KCNQ1: variants seen among roughly 807,000 people sequenced by gnomAD.
KCNQ1 encodes potassium voltage-gated channel subfamily KQT member 1.
A neutral mutation model predicts 72.4 loss-of-function variants in KCNQ1; 49 were observed. The observed-to-expected ratio is 0.68, with a 90% CI of 0.54 to 0.86. KCNQ1 has a LOEUF of 0.86. Ranked by LOEUF, KCNQ1 falls within the 40% of genes least tolerant of loss-of-function variation. The pLI, the probability that KCNQ1 is intolerant of heterozygous loss-of-function variation, is 0.00. For synonymous variants in KCNQ1, 450 were observed against 412.6 expected (o/e 1.09, Z -1.10); for missense variants, 790 against 945.1 (o/e 0.84, Z 2.15).
At chr11:2,639,754 T>C (rs1489696775) in intron 10 of KCNQ1, 2 of 152,364 alleles carry the variant, frequency 1.3e-5, no homozygotes, top group African/African-American at 4.8e-5. Context: ...GACAGGGACA[T>C]TTAAGTCTGC....
intron 1 of KCNQ1, among the ~76,000 whole-genome samples, chr11:2,512,275 AG>A (rs1656464205): frequency 6.6e-6 from 1 of 152,106 alleles, no homozygotes; most frequent in Non-Finnish European, 1.5e-5. Context: ...CCGGGGCGGG[AG>A]AGGGCCGCAG....
At chr11:2,758,535 C>G (rs545766442) in intron 11 of KCNQ1, among the ~76,000 whole-genome samples, 1 of 152,130 alleles carries the variant, frequency 6.6e-6, no homozygotes. Flanking sequence ...CCACACATCC[C>G]GGCAACTGAA....
intron 1 of KCNQ1, among the ~76,000 whole-genome samples, chr11:2,466,256 C>A (rs541514405): frequency 6.6e-6 from 1 of 152,282 alleles, no homozygotes; most frequent in South Asian, 2.1e-4. Context: ...AGTGGAGAAG[C>A]GATCTCCAAA....
At chr11:2,722,616 A>T (rs1446302355) in intron 11 of KCNQ1, among the ~76,000 whole-genome samples, 1 of 152,044 alleles carries the variant, frequency 6.6e-6, no homozygotes, top group Non-Finnish European at 1.5e-5. Flanking sequence ...GTCCTAGGGG[A>T]GCTGATGAGA....
chr11:2,712,649 C>G lies in KCNQ1; in HGVS notation c.1514+50568C>G, dbSNP rs994936582. The stretch of plus-strand genomic sequence containing the variant: ...TTCCCCTTGGAACATGAAGAAGGGG[C>G]TGGCTAAGGCCCCCATCCCTGCTCA... On this transcript the variant is annotated intron_variant, in intron 11 of 15. Transcript: ENST00000155840. The surrounding 1 kb of genome is among the most constrained non-coding windows in gnomAD (Gnocchi z 6.4). Among the ~76,000 whole-genome samples, 1 of 152,208 alleles carries G rather than the reference C, an allele frequency of 6.6e-6. No individual in the cohort carries two copies. Among genetic ancestry groups the G allele is most frequent in the Non-Finnish European group, 1.5e-5 (1 of 68,026 alleles).
At position 2,592,394 on chromosome 11, in the gene KCNQ1, T is replaced by G. The variant is rs1848682021; in HGVS notation, c.1393+3540T>G. Among the ~76,000 whole-genome samples the G allele has an allele frequency of 6.6e-6, 1 of 152,100 alleles. No individual in the cohort carries two copies. ...GGTAGCATCAGAACACAGACTAACC[T>G]GCAGCAAAAATGGGCTGTGTGGTCC... On this transcript the variant is annotated intron_variant, in intron 10 of 15. Transcript: ENST00000155840. The surrounding 1 kb of genome is among the most constrained non-coding windows in gnomAD (Gnocchi z 5.2).
intron 6 of KCNQ1, among the ~76,000 whole-genome samples, chr11:2,576,298 C>CG (rs1848421961): frequency 6.6e-6 from 1 of 152,156 alleles, no homozygotes; most frequent in African/African-American, 2.4e-5. Flanking sequence ...TCCCCTTCGC[C>CG]GGGGTGGGGA....
intron 11 of KCNQ1, among the ~76,000 whole-genome samples, chr11:2,727,394 C>T (rs1044712309): frequency 6.6e-6 from 1 of 152,214 alleles, no homozygotes; most frequent in Non-Finnish European, 1.5e-5. Context: ...ACCCAAGGAT[C>T]ATTCCTGTGT....
In KCNQ1 at chr11:2,483,209, C is replaced by T. The variant is rs764275920; in HGVS notation, c.386+37725C>T. Among the ~76,000 whole-genome samples, 2 of 152,014 alleles carry T rather than the reference C, an allele frequency of 1.3e-5. No individual in the cohort carries two copies. Among genetic ancestry groups the T allele is most frequent in the African/African-American group, 4.8e-5 (2 of 41,374 alleles). ...TGCAGGGAAGGTGCTGGAGATAGGA[C>T]GGGAGGGCCACGAGGGTTAAGATCC... On this transcript the variant is annotated intron_variant, in intron 1 of 15. Coordinates refer to ENST00000155840, the MANE Select transcript of KCNQ1 (RefSeq NM_000218.3). This position sits in a 1 kb window ranked among gnomAD's most constrained non-coding sequence, Gnocchi z 6.1.
chr11:2,630,735 A>T (rs1433094726), intron 10 of KCNQ1: 2 of 398,458 alleles, frequency 5.0e-6, no homozygotes, highest in Admixed American at 8.8e-5. Flanking sequence ...AAGCCTGAAT[A>T]ACTCCCTCTG....
intron 4 of KCNQ1, 69 bp downstream of exon 4, chr11:2,571,472 G>A (rs986727770): frequency 3.0e-6 from 4 of 1,318,956 alleles, no homozygotes; most frequent in African/African-American, 2.9e-5. Context: ...AGCCGCGGGT[G>A]GTCTCACGCC....
chr11:2,667,042 C>G (rs965092557), intron 11 of KCNQ1: 1 of 398,574 alleles, frequency 2.5e-6, no homozygotes, highest in African/African-American at 2.1e-5. Context: ...TAGCCCCAGC[C>G]AGGCTCAAAC....
chr11:2,521,344 C>T (rs1284003478), intron 1 of KCNQ1: 2 of 352,636 alleles, frequency 5.7e-6, no homozygotes, highest in Non-Finnish European at 1.2e-5. Context: ...CTGCTCTGGG[C>T]CTTTGCGCTT....
Position 2,562,899 on chromosome 11 carries a change from T to C in KCNQ1, c.478-7729T>C, listed in dbSNP as rs188336508. On this transcript the variant is annotated intron_variant, in intron 2 of 15. Transcript: ENST00000155840. This position sits in a 1 kb window ranked among gnomAD's most constrained non-coding sequence, Gnocchi z 7.5. Reference sequence around the variant, plus strand: ...AATTAATTTTCCTTTAAAGATACTGTAGAGCAGTAACATCAGAGACACCAA... The same window carrying C: ...AATTAATTTTCCTTTAAAGATACTGCAGAGCAGTAACATCAGAGACACCAA... Among the ~76,000 whole-genome samples, 874 of 152,218 alleles carry C rather than the reference T, an allele frequency of 5.7e-3. 30 individuals are homozygous for C. The highest frequency in any genetic ancestry group is 0.053 in the Admixed American group (807 of 15,290).
At chr11:2,531,293 G>A (rs1326564707) in intron 2 of KCNQ1, among the ~76,000 whole-genome samples, 1 of 151,172 alleles carries the variant, frequency 6.6e-6, no homozygotes, top group Non-Finnish European at 1.5e-5. Context: ...TCTGCAGCTC[G>A]AGAATTAGAC....
At position 2,671,738 on chromosome 11, in the gene KCNQ1, C is replaced by T. The variant is rs1287879999; in HGVS notation, c.1514+9657C>T. The T allele has an allele frequency of 2.5e-6, 1 of 398,550 alleles. No homozygotes were observed. Among genetic ancestry groups the T allele is most frequent in the Non-Finnish European group, 4.4e-6 (1 of 226,106 alleles). The allele number at this position is 398,550 out of a possible 1,614,324, so 24.7% of individuals were successfully genotyped here. A position where few individuals can be genotyped will look rare whatever the true frequency, so the allele number is the denominator to read the frequency against. ...GTGGTAGGCAAGGCTTTTCAGAGAA[C>T]AAGGAGCTACATACACATACATGCA... On this transcript the variant is annotated intron_variant, in intron 11 of 15. Transcript: ENST00000155840. The surrounding 1 kb of genome is among the most constrained non-coding windows in gnomAD (Gnocchi z 4.7).
At position 2,657,401 on chromosome 11, in the gene KCNQ1, T is replaced by A; in HGVS notation, c.1394-4560T>A. 2.5e-6 allele frequency: 1 copy of A among 398,594 alleles called. No individual in the cohort carries two copies. Among genetic ancestry groups the A allele is most frequent in the Non-Finnish European group, 4.4e-6 (1 of 226,038 alleles). 24.7% of individuals were successfully genotyped at this position (398,594 alleles called of 1,614,324 possible). A position where few individuals can be genotyped will look rare whatever the true frequency, so the allele number is the denominator to read the frequency against. On this transcript the variant is annotated intron_variant, in intron 10 of 15. Transcript: ENST00000155840. The surrounding 1 kb of genome is among the most constrained non-coding windows in gnomAD (Gnocchi z 4.8). ...TTGTCTCTTACTAAAGTTTTACAAT[T>A]TTCTCCAGAGTTCTTGCATATACTT...
chr11:2,569,243 C>T (rs1848291010), intron 2 of KCNQ1, among the ~76,000 whole-genome samples: 1 of 152,218 alleles, frequency 6.6e-6, no homozygotes, highest in Non-Finnish European at 1.5e-5. Context: ...CCGCACACAC[C>T]CACACACCCC....
chr11:2,453,458 A>C (rs536053692), intron 1 of KCNQ1, among the ~76,000 whole-genome samples: 2 of 152,326 alleles, frequency 1.3e-5, no homozygotes, highest in Non-Finnish European at 2.9e-5. Flanking sequence ...TAATCTGTTT[A>C]CTACAGAAAG....
Sources: allele counts gnomAD v4.1 joint callset (sites outside exome capture counted in the v4.1 genomes callset), GRCh38; gene constraint gnomAD v4.1.1; non-coding constraint Gnocchi (gnomAD v3.1); transcripts MANE v1.5; gene names NCBI Gene and HGNC (gene_info 2026-07-23, HGNC 2026-07-21).